Variants in SEPTIN9 observed in about 807,000 individuals in gnomAD.
The protein encoded by SEPTIN9 is septin 9.
In SEPTIN9, 13 loss-of-function variants were observed where a neutral mutation model predicts 56.6. The ratio of observed to expected loss-of-function variants is 0.23; its 90% CI spans 0.15 to 0.37. The LOEUF is 0.37. Among genes scored for constraint, SEPTIN9 ranks in the 10% least tolerant of loss-of-function variants. The pLI, the probability that SEPTIN9 is intolerant of heterozygous loss-of-function variation, is 1.00. For synonymous variants in SEPTIN9, 332 were observed against 334.1 expected (o/e 0.99, Z 0.07); for missense variants, 650 against 823.1 (o/e 0.79, Z 2.57).
chr17:77,290,521 G>A (rs2031495627), intron 1 of SEPTIN9, among the ~76,000 whole-genome samples: 1 of 151,772 alleles, frequency 6.6e-6, no homozygotes, highest in Admixed American at 6.6e-5. Flanking sequence ...AGCCTCCAAA[G>A]TGCTGGGATA....
intron 8 of SEPTIN9, 48 bp downstream of exon 8, chr17:77,490,907 A>G: frequency 7.1e-7 from 1 of 1,417,712 alleles, no homozygotes; most frequent in Admixed American, 2.0e-5. Context: ...CAACCTGGAG[A>G]CGCTGCAGGC....
At chr17:77,338,060 G>C (rs1412222134) in intron 2 of SEPTIN9, among the ~76,000 whole-genome samples, 1 of 152,112 alleles carries the variant, frequency 6.6e-6, no homozygotes, top group Non-Finnish European at 1.5e-5. Flanking sequence ...AGCTGGGTGT[G>C]GTGGCACATG....
rs557951299 is a variant in SEPTIN9 at position 77,421,609 on chromosome 17, G to T, written c.721+18906G>T. Among the ~76,000 whole-genome samples, 1 of 152,298 alleles carries T rather than the reference G, an allele frequency of 6.6e-6. No homozygotes were observed. Among genetic ancestry groups the T allele is most frequent in the South Asian group, 2.1e-4 (1 of 4,830 alleles). The stretch of plus-strand genomic sequence containing the variant: ...CAGAATGCACCCTCTGCGTGTACAG[G>T]GATGGCTTTTGGGCCATTCACCTGA... On this transcript the variant is annotated intron_variant, in intron 3 of 11. Coordinates refer to ENST00000427177, the MANE Select transcript of SEPTIN9 (RefSeq NM_001113491.2). The surrounding 1 kb of genome is among the most constrained non-coding windows in gnomAD (Gnocchi z 4.6).
intron 3 of SEPTIN9, among the ~76,000 whole-genome samples, chr17:77,442,610 C>T (rs1162430185): frequency 3.3e-5 from 5 of 150,750 alleles, no homozygotes; most frequent in South Asian, 2.1e-4. Flanking sequence ...CGATGGCTCA[C>T]GCCTGTAATC....
rs2033308519 is a variant in SEPTIN9 at position 77,330,540 on chromosome 17, AGT to A, written c.76+23346_76+23347del. Among the ~76,000 whole-genome samples the A allele has an allele frequency of 6.6e-6, 1 of 152,278 alleles. No individual in the cohort carries two copies. Among genetic ancestry groups the A allele is most frequent in the South Asian group, 2.1e-4 (1 of 4,828 alleles). On this transcript the variant is annotated intron_variant, in intron 2 of 11. Coordinates refer to ENST00000427177, the MANE Select transcript of SEPTIN9 (RefSeq NM_001113491.2). The surrounding 1 kb of genome is among the most constrained non-coding windows in gnomAD (Gnocchi z 4.4). The stretch of plus-strand genomic sequence containing the variant: ...ATTCTTCCTCCGTTCTCCCCTGGGC[AGT>A]GTTTCTGTTCACCTGGAAAGGATGG...
intron 2 of SEPTIN9, among the ~76,000 whole-genome samples, chr17:77,361,306 A>G (rs2034410236): frequency 1.3e-5 from 2 of 152,182 alleles, no homozygotes; most frequent in Admixed American, 1.3e-4. Context: ...TGCGGGACAG[A>G]GCCTGCCCTC....
rs755337865 is a variant in SEPTIN9 at position 77,475,744 on chromosome 17, C to T, written c.722-6400C>T. On this transcript the variant is annotated intron_variant, in intron 3 of 11. Coordinates refer to ENST00000427177, the MANE Select transcript of SEPTIN9 (RefSeq NM_001113491.2). The surrounding 1 kb of genome is among the most constrained non-coding windows in gnomAD (Gnocchi z 4.6). Reference sequence around the variant, plus strand: ...GGGCAAGGGCACCAGCTGTAGATGCCGGCAGCTTTCTCCTGGACACGGGCC... The same window carrying T: ...GGGCAAGGGCACCAGCTGTAGATGCTGGCAGCTTTCTCCTGGACACGGGCC... 5.2e-5 allele frequency: 84 copies of T among 1,612,978 alleles called. No individual in the cohort carries two copies. Among genetic ancestry groups the T allele is most frequent in the South Asian group, 1.9e-4 (17 of 91,092 alleles).
At chr17:77,479,865 C>G (rs1039799184) in intron 3 of SEPTIN9, among the ~76,000 whole-genome samples, 1 of 152,156 alleles carries the variant, frequency 6.6e-6, no homozygotes, top group Non-Finnish European at 1.5e-5. Context: ...TTTTCGGTCA[C>G]GTGGGTGGGG....
intron 3 of SEPTIN9, among the ~76,000 whole-genome samples, chr17:77,426,068 T>C (rs902612826): frequency 3.3e-5 from 5 of 151,948 alleles, no homozygotes; most frequent in African/African-American, 4.8e-5. Context: ...TCCCAGCACC[T>C]CCACACCAGG....
intron 3 of SEPTIN9, among the ~76,000 whole-genome samples, chr17:77,466,064 A>T (rs1457020252): frequency 2.1e-4 from 23 of 110,516 alleles, no homozygotes; most frequent in African/African-American, 4.0e-4. Flanking sequence ...TCACACACAC[A>T]CACACACACA....
At chr17:77,396,535 C>T (rs539411868) in intron 2 of SEPTIN9, among the ~76,000 whole-genome samples, 51 of 152,110 alleles carry the variant, frequency 3.4e-4, no homozygotes, top group African/African-American at 1.1e-3. Context: ...CAGGTTATGC[C>T]GGTTCCACTG....
chr17:77,308,433 G>A (rs181150117), intron 2 of SEPTIN9, among the ~76,000 whole-genome samples: 4 of 152,338 alleles, frequency 2.6e-5, no homozygotes, highest in African/African-American at 9.6e-5. Flanking sequence ...GACCAGCTCC[G>A]TCTAATAGAA....
Position 77,371,032 on chromosome 17 carries a change from A to G in SEPTIN9, c.77-31027A>G, listed in dbSNP as rs950839161. Among the ~76,000 whole-genome samples the G allele has an allele frequency of 6.6e-6, 1 of 152,230 alleles. No homozygotes were observed. The highest frequency in any genetic ancestry group is 6.5e-5 in the Admixed American group (1 of 15,288). ...ATCTCCTCTGAGGACAGGAAAAAAA[A>G]GGAAATAAATGATGTACAATTAGAG... On this transcript the variant is annotated intron_variant, in intron 2 of 11. Transcript: ENST00000427177. This position sits in a 1 kb window ranked among gnomAD's most constrained non-coding sequence, Gnocchi z 4.1.
At chr17:77,493,765 CTTTTTTTTTTT>C (rs35829686) in intron 10 of SEPTIN9, among the ~76,000 whole-genome samples, 23 of 111,444 alleles carry the variant, frequency 2.1e-4, no homozygotes, top group Admixed American at 9.7e-4. Context: ...CCTCCTCTTC[CTTTTTTTTTTT>C]TTTTTTTTTT....
At chr17:77,303,542 T>C (rs2143577438) in intron 1 of SEPTIN9, among the ~76,000 whole-genome samples, 1 of 151,950 alleles carries the variant, frequency 6.6e-6, no homozygotes, top group Admixed American at 6.5e-5. Context: ...TGAAACCCTG[T>C]CTCTACCGAA....
Position 77,499,036 on chromosome 17 carries a change from T to G in SEPTIN9, c.*378T>G. On this transcript the variant is annotated 3_prime_UTR_variant, in exon 12 of 12. Transcript: ENST00000427177. ...TGGGGTGGGGGCCAGGCCTCGCACT[T>G]GCAGAGGAGCCCAGTGGGCTGCACG... 1 of 537,620 alleles carries G rather than the reference T, an allele frequency of 1.9e-6. No individual in the cohort carries two copies. Among genetic ancestry groups the G allele is most frequent in the South Asian group, 1.5e-5 (1 of 65,246 alleles). 33.3% of individuals were successfully genotyped at this position (537,620 alleles called of 1,614,324 possible). A position where few individuals can be genotyped will look rare whatever the true frequency, so the allele number is the denominator to read the frequency against.
intron 3 of SEPTIN9, among the ~76,000 whole-genome samples, chr17:77,444,255 G>C (rs1351999756): frequency 6.6e-6 from 1 of 152,188 alleles, no homozygotes. Flanking sequence ...GAAGCTGTTT[G>C]GGAAAAGGAG....
At chr17:77,497,213 C>A in intron 10 of SEPTIN9, 102 bp from the exon 11 acceptor site, 1 of 1,228,130 alleles carries the variant, frequency 8.1e-7, no homozygotes, top group Non-Finnish European at 1.2e-6. Context: ...TGCCCTCAGA[C>A]TCTGCTTTTG....
intron 2 of SEPTIN9, among the ~76,000 whole-genome samples, chr17:77,397,323 C>T (rs1276281312): frequency 5.3e-5 from 8 of 152,156 alleles, no homozygotes; most frequent in African/African-American, 1.9e-4. Flanking sequence ...ACGTAGCCCT[C>T]CCCACCGTGT....
Sources: gnomAD v4.1 joint callset for allele counts (sites outside exome capture counted in the v4.1 genomes callset) on GRCh38, gnomAD v4.1.1 for gene constraint, Gnocchi (gnomAD v3.1) non-coding constraint, MANE v1.5 for transcripts, NCBI Gene and HGNC (gene_info 2026-07-23, HGNC 2026-07-21) for gene names.